The following SECISBP2L variants were observed in gnomAD, a reference collection of about 807,000 sequenced individuals.
SECISBP2L encodes SECIS binding protein 2 like, also known as selenocysteine insertion sequence-binding protein 2-like.
A neutral mutation model predicts 114.7 loss-of-function variants in SECISBP2L; 43 were observed. That is an observed-to-expected ratio of 0.38 (90% CI 0.29 to 0.48). SECISBP2L has a LOEUF of 0.48. Among genes scored for constraint, SECISBP2L ranks in the 20% least tolerant of loss-of-function variants. The pLI is 0.98. For missense variants in SECISBP2L, 1,136 were observed against 1,301.1 expected (o/e 0.87, Z 1.95); for synonymous variants, 451 against 439.7 (o/e 1.03, Z -0.32).
At position 49,046,272 on chromosome 15, in the gene SECISBP2L, G is replaced by C. The variant is rs1336133157; in HGVS notation, c.24+4C>G. ...CTCGGCGGGCCCAGCCCAAACCCGC[G>C]TACCTGCTCCGTGGGGGCTCGGTCC... On this transcript the variant is annotated splice_donor_region_variant and intron_variant, in intron 1 of 17. Coordinates refer to ENST00000559471, the MANE Select transcript of SECISBP2L (RefSeq NM_001193489.2). The C allele has an allele frequency of 6.4e-7, 1 of 1,562,082 alleles. No homozygotes were observed.
chr15:49,003,991 T>A (rs1902263514), intron 14 of SECISBP2L, among the ~76,000 whole-genome samples: 1 of 152,210 alleles, frequency 6.6e-6, no homozygotes, highest in Admixed American at 6.5e-5. Context: ...TTTCTATTGT[T>A]TGGAATAGTT....
chr15:48,991,224 A>C lies in SECISBP2L; in HGVS notation c.*1020T>G. 1 of 152,208 alleles carries C rather than the reference A, an allele frequency of 6.6e-6. No homozygotes were observed. Among genetic ancestry groups the C allele is most frequent in the African/African-American group, 2.4e-5 (1 of 41,450 alleles). 9.4% of individuals were successfully genotyped at this position (152,208 alleles called of 1,614,324 possible). On this transcript the variant is annotated 3_prime_UTR_variant, in exon 18 of 18. Transcript: ENST00000559471. ...TTCCTTTCCTTGACCTCCTGACAGT[A>C]ACTATGGTCATTGCTATGTGGAAGG... is the stretch of plus-strand genomic sequence containing the variant.
chr15:49,033,648 G>A (rs974173939), intron 3 of SECISBP2L, among the ~76,000 whole-genome samples: 7 of 152,006 alleles, frequency 4.6e-5, no homozygotes, highest in Non-Finnish European at 1.0e-4. Flanking sequence ...ACCAGCCTGG[G>A]CAACACAGAG....
At position 49,011,869 on chromosome 15, in the gene SECISBP2L, A is replaced by G; in HGVS notation, c.1732-6T>C. On this transcript the variant is annotated splice_polypyrimidine_tract_variant and splice_region_variant and intron_variant, in intron 12 of 17. Coordinates refer to ENST00000559471, the MANE Select transcript of SECISBP2L (RefSeq NM_001193489.2). ...TCTCTTTCTTTTAAAATAACCTAAA[A>G]GTCATTACACTAGTCTTTAATTACA... 6.2e-7 allele frequency: 1 copy of G among 1,613,724 alleles called. No homozygotes were observed. Among genetic ancestry groups the G allele is most frequent in the Non-Finnish European group, 8.5e-7 (1 of 1,179,690 alleles).
At chr15:49,015,506 C>A (rs1566856958) in intron 11 of SECISBP2L, among the ~76,000 whole-genome samples, 1 of 152,268 alleles carries the variant, frequency 6.6e-6, no homozygotes, top group Non-Finnish European at 1.5e-5. Context: ...TCCCTTCACA[C>A]AGGATCAGAA....
intron 4 of SECISBP2L, among the ~76,000 whole-genome samples, chr15:49,031,168 C>T (rs1173625110): frequency 6.6e-6 from 1 of 151,244 alleles, no homozygotes; most frequent in Non-Finnish European, 1.5e-5. Context: ...CCTACCTCAG[C>T]CTCCCAGATA....
At chr15:49,014,115 A>G (rs1315101339) in intron 11 of SECISBP2L, among the ~76,000 whole-genome samples, 1 of 152,134 alleles carries the variant, frequency 6.6e-6, no homozygotes, top group African/African-American at 2.4e-5. Context: ...CGTACTGTCA[A>G]GGTCACACAT....
chr15:49,031,400 T>C (rs1353964665), intron 4 of SECISBP2L, among the ~76,000 whole-genome samples: 2 of 152,206 alleles, frequency 1.3e-5, no homozygotes, highest in Non-Finnish European at 2.9e-5. Flanking sequence ...CTAAGATTTC[T>C]AGAAACTCTC....
intron 1 of SECISBP2L, among the ~76,000 whole-genome samples, chr15:49,038,709 T>A (rs1879067602): frequency 6.6e-6 from 1 of 152,154 alleles, no homozygotes; most frequent in South Asian, 2.1e-4. Context: ...ATTTAACATT[T>A]TAAATTATTT....
At chr15:49,029,138 G>T (rs1206227319) in intron 4 of SECISBP2L, among the ~76,000 whole-genome samples, 2 of 152,192 alleles carry the variant, frequency 1.3e-5, no homozygotes, top group Non-Finnish European at 2.9e-5. Context: ...ACAGGCATGA[G>T]CTACCTCGCC....
chr15:49,002,868 T>G (rs1257237012), intron 14 of SECISBP2L, among the ~76,000 whole-genome samples: 2 of 152,106 alleles, frequency 1.3e-5, no homozygotes, highest in East Asian at 1.9e-4. Context: ...TTGTAAAGTT[T>G]GAAGTCAGGT....
rs1595778911 is a variant in SECISBP2L, at chr15:48,991,240, A to C, written c.*1004T>G. 6.6e-6 allele frequency: 1 copy of C among 152,326 alleles called. No individual in the cohort carries two copies. The highest frequency in any genetic ancestry group is 1.9e-4 in the East Asian group (1 of 5,188). 9.4% of individuals were successfully genotyped at this position (152,326 alleles called of 1,614,324 possible). On this transcript the variant is annotated 3_prime_UTR_variant, in exon 18 of 18. Transcript: ENST00000559471. ...CCTGACAGTAACTATGGTCATTGCT[A>C]TGTGGAAGGTGCTCAAGGCTAGGTG...
chr15:49,032,961 T>G lies in SECISBP2L; in HGVS notation c.664+4A>C, dbSNP rs1902925566. 1 of 1,613,332 alleles carries G rather than the reference T, an allele frequency of 6.2e-7. No homozygotes were observed. The highest frequency in any genetic ancestry group is 1.7e-5 in the Admixed American group (1 of 59,888). ...TGACGCACATGTAAGAACCCTTGCC[T>G]TACCAGTTTGCTGTGAAGCATCTAC... On this transcript the variant is annotated splice_donor_region_variant and intron_variant, in intron 4 of 17. Transcript: ENST00000559471.
At chr15:49,015,449 G>GT (rs1902517829) in intron 11 of SECISBP2L, among the ~76,000 whole-genome samples, 1 of 152,076 alleles carries the variant, frequency 6.6e-6, no homozygotes, top group Non-Finnish European at 1.5e-5. Context: ...TTGCACACAG[G>GT]TTAAAATTAT....
chr15:49,014,153 CT>C (rs1377650720), intron 11 of SECISBP2L, among the ~76,000 whole-genome samples: 1 of 152,176 alleles, frequency 6.6e-6, no homozygotes, highest in African/African-American at 2.4e-5. Flanking sequence ...ATACAATTCT[CT>C]GACTCTTCAC....
chr15:49,040,527 CTTTTTTTTTTT>C (rs66527715), intron 1 of SECISBP2L, among the ~76,000 whole-genome samples: 32 of 63,186 alleles, frequency 5.1e-4, no homozygotes, highest in African/African-American at 1.7e-3. Context: ...CCAAACTATT[CTTTTTTTTTTT>C]TTTTTTTTTT....
chr15:49,001,760 G>C (rs563811409), intron 14 of SECISBP2L: 6 of 152,302 alleles, frequency 3.9e-5, no homozygotes, highest in African/African-American at 1.4e-4. Flanking sequence ...ATGGTTTCCA[G>C]CTTCATCCAT....
At position 49,033,107 on chromosome 15, in the gene SECISBP2L, T is replaced by TA. The variant is rs755246614; in HGVS notation, c.529-8dup. 5.3e-3 allele frequency: 7,101 copies of TA among 1,343,230 alleles called. 27 individuals carry two copies. The highest frequency in any genetic ancestry group is 0.027 in the African/African-American group (1,790 of 67,242). The allele number at this position is 1,343,230 out of a possible 1,614,324, so 83.2% of individuals were successfully genotyped here. ...GCTGTTGTAAAAGCTGTTGCTGATT[T>TA]AAAAAAAAAACAAAAAAACAAAAAA... On this transcript the variant is annotated splice_polypyrimidine_tract_variant and splice_region_variant and intron_variant, in intron 3 of 17. Transcript: ENST00000559471.
chr15:49,010,507 GT>G (rs757886096), intron 13 of SECISBP2L, among the ~76,000 whole-genome samples: 1 of 151,122 alleles, frequency 6.6e-6, no homozygotes. Flanking sequence ...TTTTTTTTTG[GT>G]TTTTTTGTTT....
Sources: allele counts gnomAD v4.1 joint callset (sites outside exome capture counted in the v4.1 genomes callset), GRCh38; gene constraint gnomAD v4.1.1; transcripts MANE v1.5; gene names NCBI Gene and HGNC (gene_info 2026-07-23, HGNC 2026-07-21).